The following PCDH15 variants were observed in gnomAD, a reference collection of about 807,000 sequenced individuals.
The protein encoded by PCDH15 is protocadherin related 15.
A neutral mutation model predicts 178.5 loss-of-function variants in PCDH15; 129 were observed. The ratio of observed to expected loss-of-function variants is 0.72; its 90% confidence interval spans 0.63 to 0.84. The LOEUF (loss-of-function observed/expected upper bound fraction) is 0.84, where lower values mean the gene tolerates loss of function less well. Ranked by LOEUF, PCDH15 falls within the 40% of genes least tolerant of loss-of-function variation. The pLI, the probability that PCDH15 is intolerant of heterozygous loss-of-function variation, is 0.00. For synonymous variants in PCDH15, 800 were observed against 732.0 expected, an observed-to-expected ratio of 1.09 and a Z score of -1.50; for missense variants, 2,230 against 2,099.9, an observed-to-expected ratio of 1.06 and a Z score of -1.21.
chr10:55,378,402 G>T (rs1482902859), intron 2 of PCDH15, among the ~76,000 whole-genome samples: 1 of 151,984 alleles, frequency 6.6e-6, no homozygotes, highest in Non-Finnish European at 1.5e-5. Context: ...AATACTGTTG[G>T]AATTTGGTGC....
At chr10:54,756,494 A>G (rs1947140718) in intron 1 of PCDH15, among the ~76,000 whole-genome samples, 1 of 152,210 alleles carries the variant, frequency 6.6e-6, no homozygotes, top group Non-Finnish European at 1.5e-5. Flanking sequence ...AGAATAAGCC[A>G]TGCATAGACA....
intron 2 of PCDH15, among the ~76,000 whole-genome samples, chr10:55,371,008 G>A (rs185104010): frequency 1.0e-3 from 152 of 152,146 alleles, no homozygotes; most frequent in Non-Finnish European, 1.8e-3. Flanking sequence ...TTTGATTTAC[G>A]AAAATGAAGA....
intron 27 of PCDH15, 56 bp downstream of exon 27, chr10:53,866,586 C>A: frequency 7.6e-7 from 1 of 1,307,522 alleles, no homozygotes; most frequent in Non-Finnish European, 1.1e-6. Context: ...ACTGAAAACA[C>A]TGACCTATGG....
intron 10 of PCDH15, among the ~76,000 whole-genome samples, chr10:54,207,553 G>T (rs537995518): frequency 2.6e-5 from 4 of 152,034 alleles, no homozygotes; most frequent in Non-Finnish European, 5.9e-5. Context: ...TACATCCTCT[G>T]TGATGTATCT....
intron 2 of PCDH15, among the ~76,000 whole-genome samples, chr10:55,073,393 C>G (rs1402254206): frequency 1.3e-5 from 2 of 152,120 alleles, no homozygotes; most frequent in Non-Finnish European, 2.9e-5. Context: ...TAAGCAACTT[C>G]AGCAAAGTCT....
chr10:54,606,378 A>G (rs1937411), intron 2 of PCDH15: 21,889 of 152,152 alleles, frequency 0.14, 1,810 homozygotes, highest in Non-Finnish European at 0.18. Context: ...AAGGAAACTA[A>G]GAACTCTCAA....
intron 32 of PCDH15, chr10:53,825,084 A>G (rs369222552): frequency 5.3e-5 from 80 of 1,512,274 alleles, no homozygotes; most frequent in Non-Finnish European, 6.6e-5. Flanking sequence ...AATCTGTTCT[A>G]TTGTATCTAT....
intron 15 of PCDH15, among the ~76,000 whole-genome samples, chr10:54,124,896 T>C (rs2041862489): frequency 6.6e-6 from 1 of 152,236 alleles, no homozygotes; most frequent in Non-Finnish European, 1.5e-5. Context: ...CAGAGGGTCA[T>C]GCTGTAAGAC....
intron 20 of PCDH15, among the ~76,000 whole-genome samples, chr10:53,996,334 G>C (rs2091846413): frequency 6.6e-6 from 1 of 152,054 alleles, no homozygotes; most frequent in African/African-American, 2.4e-5. Flanking sequence ...TTTATACACA[G>C]AAAACAATGT....
chr10:54,137,613 T>C (rs1263189566), intron 14 of PCDH15, among the ~76,000 whole-genome samples: 1 of 152,172 alleles, frequency 6.6e-6, no homozygotes, highest in Non-Finnish European at 1.5e-5. Context: ...CCGTCATTCA[T>C]TATGATTGCT....
At chr10:53,949,894 A>G (rs553728798) in intron 23 of PCDH15, among the ~76,000 whole-genome samples, 1 of 152,294 alleles carries the variant, frequency 6.6e-6, no homozygotes, top group South Asian at 2.1e-4. Flanking sequence ...TATAAATTAT[A>G]CTTTTTCTGT....
Position 54,783,566 on chromosome 10 carries a change from C to T in PCDH15, c.-29+17359G>A, listed in dbSNP as rs527515217. On this transcript the variant is annotated intron_variant, in intron 1 of 37. Coordinates refer to ENST00000644397, the MANE Select transcript of PCDH15 (RefSeq NM_001384140.1). ...GATGAAGATAAGAATTCATAGAAAACGTGCTTAATAAAGTAAGAGCTGAAA... is the reference window on the plus strand; with the variant it reads ...GATGAAGATAAGAATTCATAGAAAATGTGCTTAATAAAGTAAGAGCTGAAA... 9.9e-5 allele frequency among the ~76,000 whole-genome samples: 15 copies of T among 152,142 alleles called. No homozygotes were observed. In the South Asian group the frequency reaches 1.7e-3, roughly 17 times the overall value.
At chr10:54,994,447 C>A (rs1308040837) in intron 2 of PCDH15, among the ~76,000 whole-genome samples, 2 of 152,050 alleles carry the variant, frequency 1.3e-5, no homozygotes, top group Non-Finnish European at 2.9e-5. Context: ...GAAAAAAATA[C>A]TATATCTAGA....
intron 2 of PCDH15, chr10:54,600,713 A>G (rs1029680302): frequency 3.7e-6 from 2 of 538,920 alleles, no homozygotes; most frequent in Non-Finnish European, 7.1e-6. Flanking sequence ...AGTTTAAGCC[A>G]TACGACAATT....
intron 1 of PCDH15, among the ~76,000 whole-genome samples, chr10:54,666,100 G>A (rs1427114059): frequency 2.0e-5 from 3 of 151,950 alleles, no homozygotes; most frequent in African/African-American, 7.2e-5. Flanking sequence ...AAATACGTAA[G>A]GGAATATAAA....
chr10:54,685,148 T>C lies in PCDH15; in HGVS notation c.-28-20858A>G, dbSNP rs149144272. 4.0e-3 allele frequency among the ~76,000 whole-genome samples: 613 copies of C among 152,168 alleles called. 26 individuals are homozygous for C. In the East Asian group the frequency reaches 0.1, roughly 25 times the overall value. Reference sequence around the variant, plus strand: ...AATATCCCTGTCTTCCTCCTCCATATCTTGTCCCAGTACAAGACTCTGAGA... The same window carrying C: ...AATATCCCTGTCTTCCTCCTCCATACCTTGTCCCAGTACAAGACTCTGAGA... On this transcript the variant is annotated intron_variant, in intron 1 of 37. Transcript: ENST00000644397.
chr10:53,970,902 C>G (rs1045305683), intron 21 of PCDH15, among the ~76,000 whole-genome samples: 9 of 152,012 alleles, frequency 5.9e-5, no homozygotes, highest in Non-Finnish European at 1.3e-4. Context: ...CTATTCCAGT[C>G]AATAGAAAAA....
chr10:55,332,483 A>G (rs576915904), intron 2 of PCDH15, among the ~76,000 whole-genome samples: 1 of 152,312 alleles, frequency 6.6e-6, no homozygotes, highest in East Asian at 1.9e-4. Flanking sequence ...GACACTAAAA[A>G]TATATCTCAT....
intron 14 of PCDH15, among the ~76,000 whole-genome samples, chr10:54,138,607 TA>T (rs1380772568): frequency 6.6e-6 from 1 of 152,200 alleles, no homozygotes; most frequent in Non-Finnish European, 1.5e-5. Flanking sequence ...GCTACTGCTC[TA>T]ACCATGGTCA....
Sources: allele counts gnomAD v4.1 joint callset (sites outside exome capture counted in the v4.1 genomes callset), GRCh38; gene constraint gnomAD v4.1.1; transcripts MANE v1.5; gene names NCBI Gene and HGNC (gene_info 2026-07-23, HGNC 2026-07-21).